The following SYNE1 variants were observed in gnomAD, a reference collection of about 807,000 sequenced individuals.
The protein encoded by SYNE1 is spectrin repeat containing nuclear envelope protein 1, also known as nesprin-1.
In SYNE1, 616 loss-of-function variants were observed where a neutral mutation model predicts 1,111.0. The observed-to-expected ratio is 0.55, with a 90% CI of 0.52 to 0.59. SYNE1 has a LOEUF of 0.59. SYNE1 is among the 20% of genes least tolerant of loss of function. The pLI, the probability that SYNE1 is intolerant of heterozygous loss-of-function variation, is 0.00. For synonymous variants in SYNE1, 3,855 were observed against 3,825.8 expected (o/e 1.01, Z -0.28); for missense variants, 10,006 against 10,417.0 (o/e 0.96, Z 1.72).
At chr6:152,413,081 C>T (rs1442847844) in intron 42 of SYNE1, among the ~76,000 whole-genome samples, 1 of 152,114 alleles carries the variant, frequency 6.6e-6, no homozygotes, top group Non-Finnish European at 1.5e-5. Context: ...GAACTCCTGA[C>T]CTCAGGTGAT....
intron 14 of SYNE1, among the ~76,000 whole-genome samples, chr6:152,482,169 A>G (rs548272139): frequency 6.6e-6 from 1 of 152,260 alleles, no homozygotes; most frequent in Admixed American, 6.5e-5. Flanking sequence ...TGAAATGGCC[A>G]AGATCGGCAA....
At position 152,331,155 on chromosome 6, in the gene SYNE1, G is replaced by A; in HGVS notation, c.13530C>T (p.Val4510=). 1 of 1,614,070 alleles carries A rather than the reference G, an allele frequency of 6.2e-7. No individual in the cohort carries two copies. Residue 4510 remains valine (V), a synonymous_variant, in exon 78 of 146, where the codon GTC becomes GTT. Transcript: ENST00000367255. ...CGCGACCCTGGGCCCAAAGTCCAGT[G>A]ACTTCATTTTGGTAAGTCTTGAGGC... The part of the protein sequence containing the change: ...QASLKTYQNE[V]TGLWAQGREL...
intron 145 of SYNE1, chr6:152,125,175 C>CCAATG (rs1181132842): frequency 1.4e-6 from 2 of 1,448,100 alleles, no homozygotes; most frequent in African/African-American, 2.8e-5. Context: ...CTTCCAAAAT[C>CCAATG]CCTGCCCACC....
intron 3 of SYNE1, among the ~76,000 whole-genome samples, chr6:152,564,353 G>A (rs189682159): frequency 6.6e-6 from 1 of 152,196 alleles, no homozygotes; most frequent in Non-Finnish European, 1.5e-5. Context: ...GTCTCACTCT[G>A]TCACCCAGAC....
At chr6:152,253,813 GTTTGGTTTTTTTTTTTTTTTTTTTTTT>G (rs1285420764) in intron 104 of SYNE1, among the ~76,000 whole-genome samples, 4,984 of 33,142 alleles carry the variant, frequency 0.15, 204 homozygotes, top group Middle Eastern at 0.33. Flanking sequence ...ATGTGTAGTG[GTTTGGTTTTTTTTTTTTTTTTTTTTTT>G]TTTTTTTTTT....
In SYNE1 at chr6:152,209,471, C is replaced by T. The variant is rs574389051; in HGVS notation, c.22590-1265G>A. ...TCTTAAAAATAGATCCATAATGGGC[C>T]GGGCCCGGTGACTCACGTCTTTAAT... On this transcript the variant is annotated intron_variant, in intron 124 of 145. Transcript: ENST00000367255. Among the ~76,000 whole-genome samples the T allele has an allele frequency of 1.3e-4, 20 of 152,164 alleles. No individual in the cohort carries two copies. The East Asian group carries it at 1.7e-3, about 13-fold the overall frequency.
intron 107 of SYNE1, among the ~76,000 whole-genome samples, chr6:152,240,584 C>T (rs571841748): frequency 2.6e-5 from 4 of 152,276 alleles, no homozygotes; most frequent in South Asian, 4.2e-4. Flanking sequence ...GTTCCCAGTA[C>T]CATGATAAAA....
Position 152,449,552 on chromosome 6 carries a change from T to C in SYNE1, c.3485A>G (p.Glu1162Gly). 6.2e-7 allele frequency: 1 copy of C among 1,613,994 alleles called. No individual in the cohort carries two copies. The highest frequency in any genetic ancestry group is 8.5e-7 in the Non-Finnish European group (1 of 1,179,870). ...ACTTACTTCAACGGCACGTTTAACC[T>C]CTCCGTGGTTGGCAGTATCGATGGC... is the stretch of plus-strand genomic sequence containing the variant. Reference protein sequence around the residue: ...GEAIDTANHGEVKRAVEEIRN... With the variant: ...GEAIDTANHGGVKRAVEEIRN... Residue 1162 changes from glutamate (E) to glycine (G), a missense_variant, in exon 28 of 146, where the codon GAG (glutamate) becomes GGG (glycine). Physicochemically the swap from Glu to Gly is moderately conservative, Grantham distance 98 (BLOSUM62 -2). This residue lies in a region of SYNE1 where 1,971 missense variants were observed against 2,084.1 expected (regional missense o/e 0.95). Coordinates refer to ENST00000367255, the MANE Select transcript of SYNE1 (RefSeq NM_182961.4).
At chr6:152,478,038 A>T (rs1245948342) in intron 14 of SYNE1, among the ~76,000 whole-genome samples, 1 of 152,146 alleles carries the variant, frequency 6.6e-6, no homozygotes, top group Non-Finnish European at 1.5e-5. Flanking sequence ...ACATGCTGGG[A>T]TTATAAGTAT....
At chr6:152,485,100 A>G in intron 12 of SYNE1, 128 bp from the exon 13 acceptor site, 1 of 1,103,542 alleles carries the variant, frequency 9.1e-7, no homozygotes, top group South Asian at 1.4e-5. Context: ...GATAATAATA[A>G]CGGTAGTTAT....
chr6:152,392,233 C>T (rs1311386916), intron 51 of SYNE1, among the ~76,000 whole-genome samples: 2 of 152,038 alleles, frequency 1.3e-5, no homozygotes, highest in African/African-American at 4.8e-5. Flanking sequence ...TTCCCAAGAC[C>T]CAACACAATA....
rs138258566 is a variant in SYNE1 at position 152,269,226 on chromosome 6, C to T, written c.18634G>A (p.Val6212Ile). ...VDLTATQSPGVQEWLAQARTT... is the reference protein window; with the variant it reads ...VDLTATQSPGIQEWLAQARTT... The stretch of plus-strand genomic sequence containing the variant: ...CGAGCTTGGGCCAGCCATTCCTGGA[C>T]GCCGGGGCTCTGCGTGGCTGTTAGG... The change falls in exon 99 of 146, where the codon GTC (valine) becomes ATC (isoleucine). Residue 6212 changes from valine (V) to isoleucine (I), a missense_variant. Coordinates refer to ENST00000367255, the MANE Select transcript of SYNE1 (RefSeq NM_182961.4). The T allele has an allele frequency of 3.5e-5, 57 of 1,614,196 alleles. No individual in the cohort carries two copies. Among genetic ancestry groups the T allele is most frequent in the Middle Eastern group, 3.3e-4 (2 of 6,062 alleles).
At chr6:152,479,061 A>C (rs1425422397) in intron 14 of SYNE1, among the ~76,000 whole-genome samples, 2 of 152,118 alleles carry the variant, frequency 1.3e-5, no homozygotes, top group African/African-American at 4.8e-5. Context: ...AGAGGAGATG[A>C]AGCCTTGTCT....
At chr6:152,181,725 A>AT (rs765987502) in intron 128 of SYNE1, among the ~76,000 whole-genome samples, 13 of 151,894 alleles carry the variant, frequency 8.6e-5, no homozygotes, top group Non-Finnish European at 1.9e-4. Context: ...GGTTGTTTCC[A>AT]TTTTTTTGCC....
chr6:152,499,356 T>A (rs2099016222), intron 10 of SYNE1, among the ~76,000 whole-genome samples: 1 of 152,060 alleles, frequency 6.6e-6, no homozygotes, highest in African/African-American at 2.4e-5. Context: ...ATCAGTTTTA[T>A]TGGATGAGAT....
In SYNE1 at chr6:152,456,357, C is replaced by A. The variant is rs1428960836; in HGVS notation, c.2569-313G>T. ...GAGCATCAAAAGTTGTCTAGGTCTG[C>A]ATTCCTCTAGTAAGATGATAGGCCT... On this transcript the variant is annotated intron_variant, in intron 22 of 145. Transcript: ENST00000367255. Among the ~76,000 whole-genome samples the A allele has an allele frequency of 2.0e-5, 3 of 152,038 alleles. No individual in the cohort carries two copies. In the East Asian group the frequency reaches 5.8e-4, roughly 29 times the overall value.
In SYNE1 at chr6:152,433,430, G is replaced by T. The variant is rs2098447143; in HGVS notation, c.4461+365C>A. ...AATACTTGAACTAGACATTGGGAAT[G>T]GGATTTTAGAGTTGTACAGGATGAA... On this transcript the variant is annotated intron_variant, in intron 34 of 145. Transcript: ENST00000367255. 3 of 258,316 alleles carry T rather than the reference G, an allele frequency of 1.2e-5. No individual in the cohort carries two copies. In the South Asian group the frequency reaches 1.5e-4, roughly 13 times the overall value. 16.0% of individuals were successfully genotyped at this position (258,316 alleles called of 1,614,324 possible). A position where few individuals can be genotyped will look rare whatever the true frequency, so the allele number is the denominator to read the frequency against.
At chr6:152,308,773 G>A (rs2095458394) in intron 90 of SYNE1, 141 bp from the exon 91 acceptor site, 2 of 917,442 alleles carry the variant, frequency 2.2e-6, no homozygotes, top group Admixed American at 5.8e-5. Context: ...TAGATGGTTT[G>A]AATTCCTCAC....
At chr6:152,150,880 G>C (rs2060286783) in intron 135 of SYNE1, among the ~76,000 whole-genome samples, 1 of 152,110 alleles carries the variant, frequency 6.6e-6, no homozygotes, top group African/African-American at 2.4e-5. Flanking sequence ...GGAACCATGT[G>C]AAGGTGCTAC....
Sources: gnomAD v4.1 joint callset for allele counts (sites outside exome capture counted in the v4.1 genomes callset) on GRCh38, gnomAD v4.1.1 for gene constraint, gnomAD v4.1.1 regional missense constraint, MANE v1.5 for transcripts, NCBI Gene and HGNC (gene_info 2026-07-23, HGNC 2026-07-21) for gene names.